SLC39A8: variants seen among roughly 807,000 people sequenced by gnomAD.
The protein encoded by SLC39A8 is metal cation symporter ZIP8.
SLC39A8 carries 15 observed loss-of-function variants against 40.4 expected under a neutral mutation model. That is an observed-to-expected ratio of 0.37 (90% CI 0.25 to 0.57). The LOEUF is 0.57. Ranked by LOEUF, SLC39A8 falls within the 20% of genes least tolerant of loss-of-function variation. The pLI, the probability that SLC39A8 is intolerant of heterozygous loss-of-function variation, is 0.75. For missense variants in SLC39A8, 472 were observed against 558.8 expected, an observed-to-expected ratio of 0.84 and a Z score of 1.57; for synonymous variants, 223 against 221.6, an observed-to-expected ratio of 1.01 and a Z score of -0.06.
intron 2 of SLC39A8, among the ~76,000 whole-genome samples, chr4:102,338,651 G>C (rs1031786920): frequency 2.6e-5 from 4 of 152,150 alleles, no homozygotes; most frequent in African/African-American, 9.7e-5. Flanking sequence ...TAAGGTCATG[G>C]TTGCTCTAGC....
chr4:102,275,535 G>A (rs1732579498), intron 6 of SLC39A8, among the ~76,000 whole-genome samples: 1 of 152,024 alleles, frequency 6.6e-6, no homozygotes, highest in Admixed American at 6.6e-5. Flanking sequence ...AATAATAGTG[G>A]GAGAATTTAC....
intron 6 of SLC39A8, among the ~76,000 whole-genome samples, chr4:102,274,723 A>AG (rs1303447793): frequency 6.6e-6 from 1 of 152,226 alleles, no homozygotes; most frequent in Non-Finnish European, 1.5e-5. Flanking sequence ...TTACCTAAAA[A>AG]GGGAAGCCCA....
intron 6 of SLC39A8, among the ~76,000 whole-genome samples, chr4:102,272,558 G>A (rs989580448): frequency 6.6e-6 from 1 of 152,096 alleles, no homozygotes; most frequent in African/African-American, 2.4e-5. Context: ...CACTCCAGCT[G>A]GGCGACAGAG....
In SLC39A8 at chr4:102,262,701, A is replaced by T. The variant is rs2149001151; in HGVS notation, c.*343T>A. Reference sequence around the variant, plus strand: ...CCATAGAGTTTTAAAGGCTTTCAGGATATAACTTGTATTTTCCCCTGAGTC... The same window carrying T: ...CCATAGAGTTTTAAAGGCTTTCAGGTTATAACTTGTATTTTCCCCTGAGTC... On this transcript the variant is annotated 3_prime_UTR_variant, in exon 9 of 9. Coordinates refer to ENST00000356736, the MANE Select transcript of SLC39A8 (RefSeq NM_001135146.2). 12 of 1,010,226 alleles carry T rather than the reference A, an allele frequency of 1.2e-5. No homozygotes were observed. The South Asian group carries it at 5.4e-4, about 45-fold the overall frequency. The allele number at this position is 1,010,226 out of a possible 1,614,324, so 62.6% of individuals were successfully genotyped here.
intron 4 of SLC39A8, among the ~76,000 whole-genome samples, chr4:102,306,572 G>A (rs997014442): frequency 2.6e-5 from 4 of 151,634 alleles, no homozygotes; most frequent in African/African-American, 7.3e-5. Context: ...TAAAAATTAC[G>A]AGATAAGGGT....
chr4:102,277,073 C>T (rs1054252542), intron 6 of SLC39A8, among the ~76,000 whole-genome samples: 9 of 152,050 alleles, frequency 5.9e-5, no homozygotes, highest in Non-Finnish European at 1.2e-4. Context: ...CTTTGAAAAC[C>T]AGCACAAGAC....
chr4:102,302,536 A>G (rs1326401864), intron 6 of SLC39A8, among the ~76,000 whole-genome samples: 1 of 152,026 alleles, frequency 6.6e-6, no homozygotes, highest in Non-Finnish European at 1.5e-5. Context: ...ATTTTTCCCC[A>G]CTACAAAAAA....
intron 6 of SLC39A8, among the ~76,000 whole-genome samples, chr4:102,270,081 T>C (rs1226227517): frequency 6.6e-6 from 1 of 152,212 alleles, no homozygotes; most frequent in Non-Finnish European, 1.5e-5. Flanking sequence ...TGCCGTGATA[T>C]ACTTAATGAG....
chr4:102,314,885 A>T (rs1734591232), intron 3 of SLC39A8, among the ~76,000 whole-genome samples: 1 of 152,152 alleles, frequency 6.6e-6, no homozygotes, highest in Non-Finnish European at 1.5e-5. Context: ...AAAGACAGAT[A>T]ATTATTCTTC....
chr4:102,277,185 G>T (rs1732658509), intron 6 of SLC39A8, among the ~76,000 whole-genome samples: 1 of 152,176 alleles, frequency 6.6e-6, no homozygotes, highest in Non-Finnish European at 1.5e-5. Flanking sequence ...AATAGGAAAA[G>T]AGGTAGTCAA....
At chr4:102,345,239 G>A (rs1366924987) in intron 1 of SLC39A8, 106 bp downstream of exon 1, 2 of 152,556 alleles carry the variant, frequency 1.3e-5, no homozygotes, top group East Asian at 3.8e-4. Flanking sequence ...TGCAGAAAAG[G>A]GCTCTTCCGG....
At chr4:102,344,390 T>C in intron 2 of SLC39A8, 54 bp downstream of exon 2, 1 of 1,287,302 alleles carries the variant, frequency 7.8e-7, no homozygotes, top group East Asian at 2.9e-5. Context: ...ATATACAAAG[T>C]GAAGTCTAGG....
chr4:102,258,129 G>T (rs144632106), downstream of SLC39A8, among the ~76,000 whole-genome samples: 527 of 148,148 alleles, frequency 3.6e-3, 2 homozygotes, highest in Non-Finnish European at 5.6e-3. Context: ...TTTTGAGACG[G>T]AGTCTTGCTT....
intron 4 of SLC39A8, among the ~76,000 whole-genome samples, chr4:102,306,914 C>T (rs187022346): frequency 9.5e-4 from 144 of 151,958 alleles, no homozygotes; most frequent in Non-Finnish European, 1.6e-3. Context: ...ATTTATTAGT[C>T]CTCAATTGAT....
At chr4:102,336,210 T>C (rs746613091) in intron 2 of SLC39A8, among the ~76,000 whole-genome samples, 1 of 152,242 alleles carries the variant, frequency 6.6e-6, no homozygotes, top group Admixed American at 6.5e-5. Context: ...GTTAATATTG[T>C]TCTTATTTTC....
intron 2 of SLC39A8, among the ~76,000 whole-genome samples, chr4:102,331,331 T>C (rs1393399776): frequency 6.6e-6 from 1 of 152,216 alleles, no homozygotes; most frequent in Non-Finnish European, 1.5e-5. Flanking sequence ...AGTCTCAGGA[T>C]ACAGAATTGA....
At chr4:102,309,961 A>G (rs975470467) in intron 3 of SLC39A8, among the ~76,000 whole-genome samples, 2 of 151,976 alleles carry the variant, frequency 1.3e-5, no homozygotes, top group Admixed American at 1.3e-4. Context: ...ATATAACATG[A>G]CAGTTATCGA....
At chr4:102,282,072 G>A (rs1008866453) in intron 6 of SLC39A8, among the ~76,000 whole-genome samples, 21 of 152,174 alleles carry the variant, frequency 1.4e-4, no homozygotes, top group African/African-American at 4.3e-4. Flanking sequence ...TGAGGGAACT[G>A]AGGTATAGAA....
chr4:102,264,014 T>C (rs1002695288), intron 8 of SLC39A8, among the ~76,000 whole-genome samples: 2 of 152,186 alleles, frequency 1.3e-5, no homozygotes, highest in African/African-American at 4.8e-5. Context: ...TCCATGAGGG[T>C]TGAAATCAGC....
Sources: gnomAD v4.1 joint callset for allele counts (sites outside exome capture counted in the v4.1 genomes callset) on GRCh38, gnomAD v4.1.1 for gene constraint, MANE v1.5 for transcripts, NCBI Gene and HGNC (gene_info 2026-07-23, HGNC 2026-07-21) for gene names.